Variants in CACNA2D3 observed in about 807,000 individuals in gnomAD.
CACNA2D3 encodes the protein calcium voltage-gated channel auxiliary subunit alpha2delta 3.
CACNA2D3 carries 60 observed loss-of-function variants against 160.6 expected under a neutral mutation model. The ratio of observed to expected loss-of-function variants is 0.37; its 90% CI spans 0.30 to 0.46. CACNA2D3 has a LOEUF of 0.46. Among genes scored for constraint, CACNA2D3 ranks in the 20% least tolerant of loss-of-function variants. CACNA2D3 has a pLI of 1.00. For synonymous variants in CACNA2D3, 558 were observed against 492.9 expected (o/e 1.13, Z -1.75); for missense variants, 1,205 against 1,365.0 (o/e 0.88, Z 1.85).
intron 3 of CACNA2D3, among the ~76,000 whole-genome samples, chr3:54,359,663 A>C (rs1698709629): frequency 6.6e-6 from 1 of 152,202 alleles, no homozygotes. Context: ...TTGCTCCTTC[A>C]TTATAGTTGC....
At chr3:54,279,068 G>A (rs563389513) in intron 2 of CACNA2D3, among the ~76,000 whole-genome samples, 2 of 152,266 alleles carry the variant, frequency 1.3e-5, no homozygotes, top group South Asian at 2.1e-4. Context: ...ATCCTGCGAC[G>A]ATACCTAATT....
At chr3:54,382,246 TC>T (rs1699115411) in intron 3 of CACNA2D3, among the ~76,000 whole-genome samples, 1 of 152,238 alleles carries the variant, frequency 6.6e-6, no homozygotes, top group Non-Finnish European at 1.5e-5. Context: ...GTAACAGTTT[TC>T]CCCAGGCTCA....
At chr3:54,805,314 TAAAG>T (rs1048873091) in intron 13 of CACNA2D3, among the ~76,000 whole-genome samples, 29 of 151,812 alleles carry the variant, frequency 1.9e-4, no homozygotes, top group African/African-American at 7.0e-4. Context: ...GCAAGACTAA[TAAAG>T]AAGAAAAGAG....
chr3:54,654,736 C>G (rs1699845302), intron 11 of CACNA2D3, among the ~76,000 whole-genome samples: 1 of 152,114 alleles, frequency 6.6e-6, no homozygotes, highest in African/African-American at 2.4e-5. Flanking sequence ...TCTGGGGTCT[C>G]TGAAGGAGAT....
intron 11 of CACNA2D3, among the ~76,000 whole-genome samples, chr3:54,674,431 G>C (rs904029569): frequency 4.6e-5 from 7 of 152,156 alleles, no homozygotes; most frequent in Non-Finnish European, 1.0e-4. Flanking sequence ...TGCCTTAGGA[G>C]AGTTGGGAAG....
intron 8 of CACNA2D3, 51 bp downstream of exon 8, chr3:54,570,155 T>C: frequency 6.4e-7 from 1 of 1,567,334 alleles, no homozygotes; most frequent in Non-Finnish European, 8.8e-7. Flanking sequence ...TTTGATCTTT[T>C]GGTAGTGACT....
In CACNA2D3 at chr3:54,713,770, C is replaced by T. The variant is rs561117394; in HGVS notation, c.1168-38829C>T. Among the ~76,000 whole-genome samples the T allele has an allele frequency of 3.0e-4, 45 of 152,342 alleles. No homozygotes were observed. In the South Asian group the frequency reaches 8.5e-3, roughly 29 times the overall value. On this transcript the variant is annotated intron_variant, in intron 11 of 37. Transcript: ENST00000474759. The stretch of plus-strand genomic sequence containing the variant: ...AATAATTAAAGTTGAGAGAGCCACT[C>T]TCCTGCCTGGCTGGGGCTAAGGAGT...
chr3:55,004,211 T>C (rs1703038948), intron 31 of CACNA2D3, among the ~76,000 whole-genome samples: 1 of 152,206 alleles, frequency 6.6e-6, no homozygotes, highest in African/African-American at 2.4e-5. Flanking sequence ...ACATTCACTC[T>C]TATGGTGATG....
At chr3:54,694,463 A>G (rs1467848065) in intron 11 of CACNA2D3, among the ~76,000 whole-genome samples, 4 of 152,228 alleles carry the variant, frequency 2.6e-5, no homozygotes, top group African/African-American at 9.6e-5. Context: ...TTTATAGAAA[A>G]TACTATACAC....
chr3:54,512,849 G>C (rs1701481153), intron 5 of CACNA2D3, among the ~76,000 whole-genome samples: 4 of 152,216 alleles, frequency 2.6e-5, no homozygotes, highest in Admixed American at 1.3e-4. Context: ...GGAAGAAAAA[G>C]AGGTTTAATG....
At chr3:54,669,195 C>T (rs1700117500) in intron 11 of CACNA2D3, among the ~76,000 whole-genome samples, 1 of 152,160 alleles carries the variant, frequency 6.6e-6, no homozygotes, top group Admixed American at 6.5e-5. Flanking sequence ...GCTTAATGCT[C>T]TGCTATTTTC....
chr3:54,647,196 C>T (rs1265996082), intron 11 of CACNA2D3, among the ~76,000 whole-genome samples: 1 of 152,136 alleles, frequency 6.6e-6, no homozygotes, highest in Admixed American at 6.5e-5. Flanking sequence ...TGTTTGTGCC[C>T]CAACTCCTGA....
At chr3:54,631,361 A>G (rs1175442289) in intron 10 of CACNA2D3, among the ~76,000 whole-genome samples, 1 of 152,214 alleles carries the variant, frequency 6.6e-6, no homozygotes, top group African/African-American at 2.4e-5. Flanking sequence ...GAGCTTTTAA[A>G]TAGCTAAACT....
In CACNA2D3 at chr3:54,141,419, A is replaced by G. The variant is rs531203172; in HGVS notation, c.204+17825A>G. 3.1e-4 allele frequency among the ~76,000 whole-genome samples: 47 copies of G among 152,286 alleles called. 1 individual carries two copies. In the South Asian group the frequency reaches 8.5e-3, roughly 28 times the overall value. ...CTTAAGCCTCCCAACCAACCTGTCC[A>G]AAACCTTCATTTTCCCGAGGCAATG... is the stretch of plus-strand genomic sequence containing the variant. On this transcript the variant is annotated intron_variant, in intron 2 of 37. Coordinates refer to ENST00000474759, the MANE Select transcript of CACNA2D3 (RefSeq NM_018398.3).
chr3:54,269,684 G>T (rs916439232), intron 2 of CACNA2D3, among the ~76,000 whole-genome samples: 6 of 152,212 alleles, frequency 3.9e-5, no homozygotes, highest in Admixed American at 1.3e-4. Context: ...GAAGATGTGG[G>T]GAAGGAGGTG....
chr3:54,987,884 G>T (rs1263109816), intron 31 of CACNA2D3, 131 bp downstream of exon 31: 4 of 608,976 alleles, frequency 6.6e-6, no homozygotes, highest in East Asian at 2.9e-5. Context: ...TGCTCCAAAA[G>T]ATCTCTCTGA....
chr3:54,976,187 G>C (rs1702387963), intron 29 of CACNA2D3, among the ~76,000 whole-genome samples: 1 of 151,934 alleles, frequency 6.6e-6, no homozygotes. Context: ...CTTTTAGAAA[G>C]TAAGGGTGGG....
At chr3:54,325,904 T>C (rs908964628) in intron 3 of CACNA2D3, among the ~76,000 whole-genome samples, 3 of 152,196 alleles carry the variant, frequency 2.0e-5, no homozygotes, top group African/African-American at 7.2e-5. Flanking sequence ...GATAAAATGA[T>C]AAATCAGGCC....
intron 26 of CACNA2D3, among the ~76,000 whole-genome samples, chr3:54,899,084 A>G (rs1348428182): frequency 1.3e-5 from 2 of 152,198 alleles, no homozygotes; most frequent in Non-Finnish European, 2.9e-5. Flanking sequence ...CATCCAACTC[A>G]CTTTCATTGA....
Sources: gnomAD v4.1 joint callset for allele counts (sites outside exome capture counted in the v4.1 genomes callset) on GRCh38, gnomAD v4.1.1 for gene constraint, MANE v1.5 for transcripts, NCBI Gene and HGNC (gene_info 2026-07-23, HGNC 2026-07-21) for gene names.